The following C4orf51 variants were observed in gnomAD, a reference collection of about 807,000 sequenced individuals.
C4orf51 encodes the protein uncharacterized protein C4orf51.
In C4orf51, 25 loss-of-function variants were observed where a neutral mutation model predicts 25.2. The observed-to-expected ratio is 0.99, with a 90% CI of 0.72 to 1.39. C4orf51 has a LOEUF of 1.39. C4orf51 is among the 40% of genes most tolerant of loss of function. C4orf51 has a pLI of 0.00. For missense variants in C4orf51, 252 were observed against 239.6 expected, an observed-to-expected ratio of 1.05 and a Z score of -0.34; for synonymous variants, 100 against 84.5, an observed-to-expected ratio of 1.18 and a Z score of -1.01.
At chr4:145,779,340 T>C in the C4orf51 span, 1 of 1,607,492 alleles carries the variant, frequency 6.2e-7, no homozygotes, top group Non-Finnish European at 8.5e-7. Flanking sequence ...TGATGGAGCA[T>C]AGAGGGCTGA....
At chr4:145,723,664 A>C (rs1174313686) in intron 2 of C4orf51, among the ~76,000 whole-genome samples, 2 of 152,342 alleles carry the variant, frequency 1.3e-5, no homozygotes, top group East Asian at 1.9e-4. Context: ...TAAAGATAGA[A>C]TTTGTTGGTA....
At chr4:145,789,259 TC>T in the C4orf51 span, among the ~76,000 whole-genome samples, 1 of 152,150 alleles carries the variant, frequency 6.6e-6, no homozygotes, top group Middle Eastern at 3.2e-3. Flanking sequence ...GAAAAACAGA[TC>T]CATAATTGGT....
chr4:145,719,005 C>G (rs894319112), intron 2 of C4orf51, among the ~76,000 whole-genome samples: 1 of 152,200 alleles, frequency 6.6e-6, no homozygotes, highest in Non-Finnish European at 1.5e-5. Flanking sequence ...TATCTTGATG[C>G]CTGCTTTGCT....
rs140256892 is a variant in C4orf51 at position 145,700,600 on chromosome 4, A to C, written c.307+3968A>C. On this transcript the variant is annotated intron_variant, in intron 2 of 5. Coordinates refer to ENST00000438731, the MANE Select transcript of C4orf51 (RefSeq NM_001080531.3). ...AGATCTGAATAATTCTTGTCGTAAA[A>C]TAGGCAAATGGTCTGAGGTGCCTGA... Among the ~76,000 whole-genome samples the C allele has an allele frequency of 8.5e-3, 1,294 of 152,240 alleles. 16 individuals are homozygous for C. The highest frequency in any genetic ancestry group is 0.029 in the African/African-American group (1,189 of 41,518).
Position 145,704,152 on chromosome 4 carries a change from T to G in C4orf51, c.307+7520T>G, listed in dbSNP as rs541562506. On this transcript the variant is annotated intron_variant, in intron 2 of 5. Coordinates refer to ENST00000438731, the MANE Select transcript of C4orf51 (RefSeq NM_001080531.3). Reference sequence around the variant, plus strand: ...TTGGCTGGCAAAGGTGGCTTTTTTATGTAGATGAAGCCTCCCTCAGAGAGA... The same window carrying G: ...TTGGCTGGCAAAGGTGGCTTTTTTAGGTAGATGAAGCCTCCCTCAGAGAGA... Among the ~76,000 whole-genome samples the G allele has an allele frequency of 9.8e-5, 15 of 152,350 alleles. No homozygotes were observed. In the East Asian group the frequency reaches 2.9e-3, roughly 29 times the overall value.
intron 3 of C4orf51, among the ~76,000 whole-genome samples, chr4:145,727,947 TATATAATA>T (rs917986999): frequency 8.1e-6 from 1 of 123,212 alleles, no homozygotes; most frequent in Admixed American, 1.0e-4. Flanking sequence ...ATATACATTA[TATATAATA>T]ATATAATATA....
intron 2 of C4orf51, among the ~76,000 whole-genome samples, chr4:145,724,968 T>C (rs1731970900): frequency 6.7e-6 from 1 of 148,528 alleles, no homozygotes; most frequent in Non-Finnish European, 1.5e-5. Context: ...CACTCGTAAG[T>C]GGGAGCTAAG....
At chr4:145,784,602 G>C in the C4orf51 span, among the ~76,000 whole-genome samples, 1 of 152,040 alleles carries the variant, frequency 6.6e-6, no homozygotes, top group Non-Finnish European at 1.5e-5. Flanking sequence ...AGATTACTCA[G>C]GAATTTCCTT....
chr4:145,728,693 A>G (rs571144563), intron 3 of C4orf51, among the ~76,000 whole-genome samples: 2 of 152,358 alleles, frequency 1.3e-5, no homozygotes, highest in African/African-American at 4.8e-5. Context: ...ATGGAGCTTA[A>G]TTAATTTACA....
downstream of C4orf51, among the ~76,000 whole-genome samples, chr4:145,733,098 G>A (rs560317175): frequency 6.6e-6 from 1 of 152,116 alleles, no homozygotes; most frequent in East Asian, 1.9e-4. Context: ...TGGCCCTCCC[G>A]TCCCGGCTCC....
chr4:145,696,700 C>CT (rs916168432), intron 2 of C4orf51, 68 bp downstream of exon 2: 1,436 of 1,158,728 alleles, frequency 1.2e-3, no homozygotes, highest in Non-Finnish European at 1.5e-3. Flanking sequence ...CTTTCAGGTT[C>CT]TTTTTTTTTC....
At chr4:145,694,032 CG>C (rs1729837127) in intron 1 of C4orf51, among the ~76,000 whole-genome samples, 1 of 135,186 alleles carries the variant, frequency 7.4e-6, no homozygotes. Flanking sequence ...TCAGACGGGG[CG>C]GCCGGGCAGA....
chr4:145,720,377 C>T (rs1731663714), intron 2 of C4orf51, among the ~76,000 whole-genome samples: 1 of 152,178 alleles, frequency 6.6e-6, no homozygotes, highest in African/African-American at 2.4e-5. Context: ...TCACTTCTCA[C>T]TTCTCCTCAG....
intron 2 of C4orf51, among the ~76,000 whole-genome samples, chr4:145,713,241 A>G (rs938431581): frequency 1.3e-5 from 2 of 152,248 alleles, no homozygotes; most frequent in Admixed American, 6.5e-5. Context: ...TTATTATTGA[A>G]GAAATATGTT....
downstream of C4orf51, among the ~76,000 whole-genome samples, chr4:145,775,552 C>T (rs892046333): frequency 1.3e-5 from 2 of 152,052 alleles, no homozygotes; most frequent in Admixed American, 6.6e-5. Flanking sequence ...GAGCTCCACC[C>T]CAGAGAGCCA....
intron 1 of C4orf51, among the ~76,000 whole-genome samples, chr4:145,681,596 A>C (rs911668784): frequency 9.9e-5 from 15 of 152,170 alleles, no homozygotes; most frequent in African/African-American, 3.4e-4. Flanking sequence ...ACAATACCAC[A>C]GACTGGGTAA....
At chr4:145,733,751 C>T (rs1732644759), downstream of C4orf51, among the ~76,000 whole-genome samples, 1 of 152,158 alleles carries the variant, frequency 6.6e-6, no homozygotes, top group African/African-American at 2.4e-5. Context: ...CGGCAACCTT[C>T]GTATGGTTTC....
rs182572182 is a variant in C4orf51 at position 145,728,143 on chromosome 4, C to T, written c.367-1026C>T. 1.4e-4 allele frequency among the ~76,000 whole-genome samples: 21 copies of T among 149,592 alleles called. No individual in the cohort carries two copies. The East Asian group carries it at 1.8e-3, about 12-fold the overall frequency. ...CAATGCTGTGATCAATTTGAATATA[C>T]GTTTTTGTAGCTGTAAAATCATCTC... On this transcript the variant is annotated intron_variant, in intron 3 of 5. Transcript: ENST00000438731.
rs141893860 is a variant in C4orf51 at position 145,695,191 on chromosome 4, T to C, written c.234-1368T>C. 3.2e-3 allele frequency among the ~76,000 whole-genome samples: 490 copies of C among 152,352 alleles called. 3 individuals carry two copies. Among genetic ancestry groups the C allele is most frequent in the African/African-American group, 0.011 (470 of 41,584 alleles). ...GCTTTCCACAGTGGTTGAACTAATA[T>C]ACCCTCCTACCAACAGTGTAAAAGT... On this transcript the variant is annotated intron_variant, in intron 1 of 5. Coordinates refer to ENST00000438731, the MANE Select transcript of C4orf51 (RefSeq NM_001080531.3).
Sources: gnomAD v4.1 joint callset for allele counts (sites outside exome capture counted in the v4.1 genomes callset) on GRCh38, gnomAD v4.1.1 for gene constraint, MANE v1.5 for transcripts, NCBI Gene and HGNC (gene_info 2026-07-23, HGNC 2026-07-21) for gene names.